The following TSFM variants were observed in gnomAD, a reference collection of about 807,000 sequenced individuals.
TSFM encodes the protein elongation factor Ts, mitochondrial.
Under a neutral mutation model 33.4 loss-of-function variants are expected in TSFM, and 29 were observed. That is an observed-to-expected ratio of 0.87 (90% CI 0.65 to 1.18). TSFM has a LOEUF of 1.18. TSFM is among the 50% of genes most tolerant of loss of function. TSFM has a pLI of 0.00. For missense variants in TSFM, 394 were observed against 395.6 expected (o/e 1.00, Z 0.04); for synonymous variants, 178 against 163.5 (o/e 1.09, Z -0.68).
downstream of TSFM, chr12:57,802,215 A>T: frequency 1.2e-6 from 2 of 1,614,102 alleles, no homozygotes; most frequent in Non-Finnish European, 1.7e-6. Flanking sequence ...GGGAGGCTCA[A>T]ACCCCTGCTT....
chr12:57,788,422 GCCCGCCA>G (rs1453781248), intron 4 of TSFM, among the ~76,000 whole-genome samples: 1 of 151,798 alleles, frequency 6.6e-6, no homozygotes, highest in Non-Finnish European at 1.5e-5. Flanking sequence ...GACTACAGGC[GCCCGCCA>G]CCACACACGC....
chr12:57,791,432 C>T (rs1955661284), intron 4 of TSFM, among the ~76,000 whole-genome samples: 1 of 152,178 alleles, frequency 6.6e-6, no homozygotes, highest in Non-Finnish European at 1.5e-5. Context: ...TACCCCGTTC[C>T]TATCCATCCC....
At chr12:57,787,274 T>A in intron 4 of TSFM, 112 bp downstream of exon 4, 1 of 1,106,892 alleles carries the variant, frequency 9.0e-7, no homozygotes, top group Non-Finnish European at 1.3e-6. Context: ...CATCTCTGCT[T>A]AAATGCTATC....
At position 57,791,966 on chromosome 12, in the gene TSFM, T is replaced by A. The variant is rs1011565462; in HGVS notation, c.484-1020T>A. 6 of 374,630 alleles carry A rather than the reference T, an allele frequency of 1.6e-5. No individual in the cohort carries two copies. In the Admixed American group the frequency reaches 1.8e-4, roughly 11 times the overall value. The allele number at this position is 374,630 out of a possible 1,614,324, so 23.2% of individuals were successfully genotyped here. On this transcript the variant is annotated intron_variant, in intron 4 of 5. Transcript: ENST00000652027. The stretch of plus-strand genomic sequence containing the variant: ...TATGAAAATATTGTTCTTGGCCAGG[T>A]GCAGTGGCTCACGCCTGTAAACCTA...
chr12:57,790,428 TGC>T (rs1239704827), intron 4 of TSFM, among the ~76,000 whole-genome samples: 1 of 152,224 alleles, frequency 6.6e-6, no homozygotes, highest in East Asian at 1.9e-4. Flanking sequence ...CAGGTGTATG[TGC>T]TGTGTGCGTG....
rs149272355 is a variant in TSFM, at chr12:57,784,358, C to T, written c.231+1075C>T. 2.2e-4 allele frequency among the ~76,000 whole-genome samples: 34 copies of T among 152,224 alleles called. No homozygotes were observed. In the East Asian group the frequency reaches 4.4e-3, roughly 20 times the overall value. ...GGACACTATGGTGCACTATAGTAGA[C>T]GTTAAAGCACAGTACACATAAGCTA... is the stretch of plus-strand genomic sequence containing the variant. On this transcript the variant is annotated intron_variant, in intron 2 of 5. Transcript: ENST00000652027.
At chr12:57,790,069 T>C (rs1242026740) in intron 4 of TSFM, among the ~76,000 whole-genome samples, 4 of 146,226 alleles carry the variant, frequency 2.7e-5, no homozygotes, top group African/African-American at 1.0e-4. Context: ...TCTTTTTTTT[T>C]TTTTTTTTTT....
At position 57,796,396 on chromosome 12, in the gene TSFM, C is replaced by T. The variant is rs754224859; in HGVS notation, c.791C>T (p.Ala264Val). 2.5e-6 allele frequency: 4 copies of T among 1,601,706 alleles called. No individual in the cohort carries two copies. Among genetic ancestry groups the T allele is most frequent in the Non-Finnish European group, 3.4e-6 (4 of 1,174,016 alleles). Reference protein sequence around the residue: ...RRLGQHVVGMAPLSVGSLDDE... With the variant: ...RRLGQHVVGMVPLSVGSLDDE... ...CTTGGGCAGCATGTGGTGGGCATGG[C>T]CCCCCTCTCTGTTGGCTCCCTGGAC... Residue 264 changes from alanine to valine, a missense_variant, in exon 6 of 6, where the codon GCC (alanine) becomes GTC (valine). By Grantham distance (64) the Ala-to-Val change is moderately conservative. Around this residue, in one of 3 missense-constraint regions of TSFM, gnomAD observed 186 missense variants for 198.8 expected, o/e 0.94. Transcript: ENST00000652027.
intron 2 of TSFM, chr12:57,783,964 G>A (rs1195488217): frequency 7.1e-6 from 5 of 702,676 alleles, no homozygotes; most frequent in Admixed American, 6.0e-5. Context: ...TTGCCTGTAC[G>A]GTCATGCGTC....
At chr12:57,792,209 A>C (rs928796445) in intron 4 of TSFM, among the ~76,000 whole-genome samples, 1 of 150,582 alleles carries the variant, frequency 6.6e-6, no homozygotes, top group African/African-American at 2.5e-5. Context: ...ATGCCACCGC[A>C]CTCCAGCCTG....
chr12:57,789,700 G>A (rs1955637021), intron 4 of TSFM, among the ~76,000 whole-genome samples: 1 of 152,196 alleles, frequency 6.6e-6, no homozygotes, highest in African/African-American at 2.4e-5. Context: ...TCATTCTACT[G>A]TTAGAAATAA....
chr12:57,783,031 G>A, intron 1 of TSFM, 79 bp from the exon 2 acceptor site: 1 of 1,536,122 alleles, frequency 6.5e-7, no homozygotes. Context: ...GCTCCCTAAG[G>A]TCGCTTCCCT....
chr12:57,797,587 T>C lies in TSFM; in HGVS notation c.*1004T>C. 1 of 925,914 alleles carries C rather than the reference T, an allele frequency of 1.1e-6. No homozygotes were observed. Among genetic ancestry groups the C allele is most frequent in the Non-Finnish European group, 1.3e-6 (1 of 770,346 alleles). The allele number at this position is 925,914 out of a possible 1,614,324, so 57.4% of individuals were successfully genotyped here. Reference sequence around the variant, plus strand: ...AGTTATTAAACATTTTAAGCATTGTTTTTTGGTTCTCTTTCTTTTGATTTC... The same window carrying C: ...AGTTATTAAACATTTTAAGCATTGTCTTTTGGTTCTCTTTCTTTTGATTTC... On this transcript the variant is annotated 3_prime_UTR_variant, in exon 6 of 6. Coordinates refer to ENST00000652027, the MANE Select transcript of TSFM (RefSeq NM_005726.6).
chr12:57,802,124 G>T (rs1376151277), downstream of TSFM: 10 of 1,606,216 alleles, frequency 6.2e-6, no homozygotes, highest in Admixed American at 3.3e-5. Flanking sequence ...GAGCTACCTG[G>T]CAGGAAGTTA....
chr12:57,783,981 T>C (rs1955553719), intron 2 of TSFM: 2 of 702,802 alleles, frequency 2.8e-6, no homozygotes, highest in Non-Finnish European at 5.2e-6. Flanking sequence ...CGTCTCTTAA[T>C]AGGAAGATAC....
In TSFM at chr12:57,796,168, C is replaced by T. The variant is rs1360275385; in HGVS notation, c.572-9C>T. ...TTGGTGTGTTGGTTTTTTGTTTTTG[C>T]TTTAATAGGAAAACTGGGAGAAAAC... On this transcript the variant is annotated splice_polypyrimidine_tract_variant and intron_variant, in intron 5 of 5. Coordinates refer to ENST00000652027, the MANE Select transcript of TSFM (RefSeq NM_005726.6). 24 of 1,560,590 alleles carry T rather than the reference C, an allele frequency of 1.5e-5. No homozygotes were observed. The Admixed American group carries it at 1.8e-4, about 11-fold the overall frequency.
chr12:57,798,805 C>CG (rs1955787637), downstream of TSFM, among the ~76,000 whole-genome samples: 1 of 151,892 alleles, frequency 6.6e-6, no homozygotes, highest in Non-Finnish European at 1.5e-5. Flanking sequence ...TTAGTACAGA[C>CG]GGGGTTTCAC....
At chr12:57,783,486 A>G in intron 2 of TSFM, 1 of 725,004 alleles carries the variant, frequency 1.4e-6, no homozygotes, top group South Asian at 1.5e-5. Flanking sequence ...TTAACAAACC[A>G]GACTGTTACG....
At chr12:57,785,878 T>C (rs755683996) in intron 2 of TSFM, among the ~76,000 whole-genome samples, 1 of 152,210 alleles carries the variant, frequency 6.6e-6, no homozygotes, top group Non-Finnish European at 1.5e-5. Context: ...TCATCATATA[T>C]GCAGTCCGTC....
Sources: allele counts gnomAD v4.1 joint callset (sites outside exome capture counted in the v4.1 genomes callset), GRCh38; gene constraint gnomAD v4.1.1; regional missense constraint gnomAD v4.1.1; transcripts MANE v1.5; gene names NCBI Gene and HGNC (gene_info 2026-07-23, HGNC 2026-07-21).